The following CSMD1 variants were observed in gnomAD, a reference collection of about 807,000 sequenced individuals.
CSMD1 encodes the protein CUB and sushi domain-containing protein 1.
CSMD1 carries 213 observed loss-of-function variants against 417.5 expected under a neutral mutation model. The observed-to-expected ratio is 0.51, with a 90% CI of 0.46 to 0.57. The LOEUF (loss-of-function observed/expected upper bound fraction) is 0.57, where lower values mean the gene tolerates loss of function less well. Ranked by LOEUF, CSMD1 falls within the 20% of genes least tolerant of loss-of-function variation. The pLI is 0.00. For synonymous variants in CSMD1, 2,862 were observed against 1,736.8 expected, an observed-to-expected ratio of 1.65 and a Z score of -16.11; for missense variants, 6,923 against 4,529.7, an observed-to-expected ratio of 1.53 and a Z score of -15.17.
In CSMD1 at chr8:4,506,943, G is replaced by T. The variant is rs116904145; in HGVS notation, c.303-86878C>A. The stretch of plus-strand genomic sequence containing the variant: ...TTTTTCTGTCTTTAAAATATAAGGA[G>T]AAAGGTGATCGAATACATTTTTTTC... On this transcript the variant is annotated intron_variant, in intron 2 of 69. Coordinates refer to ENST00000635120, the MANE Select transcript of CSMD1 (RefSeq NM_033225.6). Among the ~76,000 whole-genome samples the T allele has an allele frequency of 3.4e-3, 519 of 152,200 alleles. 5 individuals carry two copies. Among genetic ancestry groups the T allele is most frequent in the South Asian group, 0.018 (88 of 4,820 alleles).
At chr8:3,142,345 C>A (rs1818554746) in intron 41 of CSMD1, 120 bp downstream of exon 41, 2 of 897,462 alleles carry the variant, frequency 2.2e-6, no homozygotes, top group South Asian at 1.7e-5. Flanking sequence ...CAACATTCCA[C>A]CAAAAAATTA....
At chr8:4,795,242 G>A (rs1797911185) in intron 1 of CSMD1, among the ~76,000 whole-genome samples, 1 of 118,910 alleles carries the variant, frequency 8.4e-6, no homozygotes, top group African/African-American at 3.0e-5. Flanking sequence ...TAGGTCTGCT[G>A]GTGTCATAGC....
At chr8:3,801,500 G>A (rs924720646) in intron 5 of CSMD1, among the ~76,000 whole-genome samples, 3 of 152,096 alleles carry the variant, frequency 2.0e-5, no homozygotes, top group Admixed American at 6.6e-5. Flanking sequence ...TAGAGAATTG[G>A]AACCCTCTCG....
intron 2 of CSMD1, among the ~76,000 whole-genome samples, chr8:4,484,853 G>C (rs1222472033): frequency 1.3e-5 from 2 of 151,734 alleles, no homozygotes; most frequent in African/African-American, 2.4e-5. Flanking sequence ...GGCGCCTGTA[G>C]TCCCAACTAC....
chr8:3,965,448 T>C (rs184659253), intron 5 of CSMD1, among the ~76,000 whole-genome samples: 8 of 152,266 alleles, frequency 5.3e-5, no homozygotes, highest in African/African-American at 1.4e-4. Flanking sequence ...AGAATGTTTA[T>C]GCGTAGAATT....
rs528810839 is a variant in CSMD1 at position 3,426,890 on chromosome 8, G to C, written c.1562-17285C>G. Among the ~76,000 whole-genome samples the C allele has an allele frequency of 3.9e-5, 6 of 152,248 alleles. No individual in the cohort carries two copies. In the East Asian group the frequency reaches 1.2e-3, roughly 29 times the overall value. On this transcript the variant is annotated intron_variant, in intron 12 of 69. Transcript: ENST00000635120. Reference sequence around the variant, plus strand: ...GACTGGGTAGTTTATAAAGGAAAGAGGTTTAATTGACTCACAGTTCAGCTG... The same window carrying C: ...GACTGGGTAGTTTATAAAGGAAAGACGTTTAATTGACTCACAGTTCAGCTG...
chr8:4,057,593 C>T (rs1025693962), intron 3 of CSMD1, among the ~76,000 whole-genome samples: 10 of 152,018 alleles, frequency 6.6e-5, no homozygotes, highest in African/African-American at 2.2e-4. Flanking sequence ...GTGTTATAGA[C>T]ATGAAGTCCT....
chr8:3,988,533 C>G (rs780341865), intron 5 of CSMD1, among the ~76,000 whole-genome samples: 1 of 152,220 alleles, frequency 6.6e-6, no homozygotes, highest in East Asian at 1.9e-4. Flanking sequence ...AACAGAGAAT[C>G]TCTGGACTCA....
At chr8:4,486,204 C>CATATATATATATAT (rs1200901429) in intron 2 of CSMD1, among the ~76,000 whole-genome samples, 1 of 16,912 alleles carries the variant, frequency 5.9e-5, no homozygotes, top group Admixed American at 7.5e-4. Flanking sequence ...TATATACATA[C>CATATATATATATAT]ATATATATAT....
At chr8:4,337,570 C>A (rs988548834) in intron 3 of CSMD1, among the ~76,000 whole-genome samples, 2 of 152,108 alleles carry the variant, frequency 1.3e-5, no homozygotes, top group African/African-American at 2.4e-5. Flanking sequence ...ACATGTGAGG[C>A]ATATCAATTC....
intron 1 of CSMD1, among the ~76,000 whole-genome samples, chr8:4,987,441 G>C (rs919387866): frequency 6.6e-6 from 1 of 151,992 alleles, no homozygotes; most frequent in African/African-American, 2.4e-5. Context: ...ATTCCATCGG[G>C]GTTCATGGTT....
intron 2 of CSMD1, among the ~76,000 whole-genome samples, chr8:4,534,493 G>T (rs539295553): frequency 6.6e-6 from 1 of 152,232 alleles, no homozygotes; most frequent in Admixed American, 6.5e-5. Flanking sequence ...TTCAGATACA[G>T]CGGGGTACAG....
At chr8:4,438,338 T>A (rs1462794416) in intron 2 of CSMD1, among the ~76,000 whole-genome samples, 2 of 152,220 alleles carry the variant, frequency 1.3e-5, no homozygotes, top group African/African-American at 2.4e-5. Context: ...CTCCAGTCTC[T>A]GAACTCTGTC....
intron 5 of CSMD1, among the ~76,000 whole-genome samples, chr8:3,776,881 A>C (rs1798920141): frequency 6.6e-6 from 1 of 150,990 alleles, no homozygotes; most frequent in African/African-American, 2.5e-5. Flanking sequence ...TGATAGATAT[A>C]ACTTTGTATT....
chr8:4,283,741 A>C (rs1485012891), intron 3 of CSMD1, among the ~76,000 whole-genome samples: 2 of 151,814 alleles, frequency 1.3e-5, no homozygotes, highest in African/African-American at 4.8e-5. Context: ...GGAATGCATG[A>C]GTGTTTTATC....
intron 25 of CSMD1, among the ~76,000 whole-genome samples, chr8:3,292,710 C>T (rs1400435450): frequency 1.3e-5 from 2 of 152,118 alleles, no homozygotes; most frequent in African/African-American, 4.8e-5. Flanking sequence ...TATTTTGAGC[C>T]TATGTGTGTC....
chr8:4,206,690 G>A lies in CSMD1; in HGVS notation c.416-174591C>T, dbSNP rs928192831. Among the ~76,000 whole-genome samples the A allele has an allele frequency of 3.9e-5, 6 of 152,246 alleles. No individual in the cohort carries two copies. In the South Asian group the frequency reaches 1.0e-3, roughly 26 times the overall value. ...AGCAGCATGATCTAAAATCCTTTGG[G>A]TATATACCCTGTAATGGGATGGCTG... On this transcript the variant is annotated intron_variant, in intron 3 of 69. Transcript: ENST00000635120.
intron 1 of CSMD1, among the ~76,000 whole-genome samples, chr8:4,946,569 A>T (rs921336808): frequency 6.6e-6 from 1 of 152,208 alleles, no homozygotes; most frequent in Non-Finnish European, 1.5e-5. Flanking sequence ...CTGACTCTGT[A>T]TAAGTGAATA....
At chr8:4,797,428 G>C (rs2407595) in intron 1 of CSMD1, among the ~76,000 whole-genome samples, 130,445 of 152,174 alleles carry the variant, frequency 0.86, 56,427 homozygotes, top group East Asian at 1. Context: ...AACAGCAAAA[G>C]CAGAACACCT....
Sources: allele counts gnomAD v4.1 joint callset (sites outside exome capture counted in the v4.1 genomes callset), GRCh38; gene constraint gnomAD v4.1.1; transcripts MANE v1.5; gene names NCBI Gene and HGNC (gene_info 2026-07-23, HGNC 2026-07-21).